TPRG1: variants seen among roughly 807,000 people sequenced by gnomAD.
The protein encoded by TPRG1 is tumor protein p63 regulated 1.
In TPRG1, 29 loss-of-function variants were observed where a neutral mutation model predicts 29.3. The ratio of observed to expected loss-of-function variants is 0.99; its 90% CI spans 0.74 to 1.35. The LOEUF (loss-of-function observed/expected upper bound fraction) is 1.35. TPRG1 is among the 40% of genes most tolerant of loss of function. The probability of loss-of-function intolerance (pLI) is 0.00; values close to 1 mark genes in which losing one functional copy is unlikely to be tolerated. For missense variants in TPRG1, 327 were observed against 335.0 expected (o/e 0.98, Z 0.19); for synonymous variants, 130 against 116.8 (o/e 1.11, Z -0.73).
At chr3:189,016,615 T>G (rs976766720) in intron 3 of TPRG1, among the ~76,000 whole-genome samples, 1 of 152,044 alleles carries the variant, frequency 6.6e-6, no homozygotes, top group South Asian at 2.1e-4. Context: ...AATCCTCATG[T>G]GTTTGGTGAG....
At chr3:189,031,452 A>C (rs1405818566) in intron 4 of TPRG1, among the ~76,000 whole-genome samples, 1 of 152,230 alleles carries the variant, frequency 6.6e-6, no homozygotes, top group African/African-American at 2.4e-5. Flanking sequence ...AGCCTATTTT[A>C]CTTAGATATT....
chr3:189,218,984 G>C lies in TPRG1; in HGVS notation c.302+3601G>C, dbSNP rs1280714206. On this transcript the variant is annotated intron_variant, in intron 3 of 5. Transcript: ENST00000345063. ...CTTAGATTCTATCCCATACGTGATG[G>C]GGAGGCACTGAAGGGTTGAGAAAGT... Among the ~76,000 whole-genome samples the C allele has an allele frequency of 2.6e-5, 4 of 152,270 alleles. No homozygotes were observed. The East Asian group carries it at 7.7e-4, about 29-fold the overall frequency.
intron 3 of TPRG1, among the ~76,000 whole-genome samples, chr3:189,236,048 C>T (rs1229180762): frequency 6.6e-6 from 1 of 152,140 alleles, no homozygotes. Flanking sequence ...TAATGTTTCT[C>T]CATGAGTTCT....
intron 4 of TPRG1, among the ~76,000 whole-genome samples, chr3:189,301,084 T>C (rs1577007627): frequency 6.6e-6 from 1 of 151,654 alleles, no homozygotes; most frequent in Admixed American, 6.6e-5. Context: ...GATCATGAGG[T>C]TGGGAGATCG....
At chr3:189,206,012 T>TTTCTTTCCTTCCTTCCTTCCTTCCTTCC (rs1734269765) in intron 1 of TPRG1, among the ~76,000 whole-genome samples, 1 of 125,646 alleles carries the variant, frequency 8.0e-6, no homozygotes, top group East Asian at 2.3e-4. Flanking sequence ...TGCAGGTACA[T>TTTCTTTCCTTCCTTCCTTCCTTCCTTCC]TTCCTTCCTT....
chr3:189,194,928 T>G (rs1216345872), intron 1 of TPRG1, among the ~76,000 whole-genome samples: 1 of 152,092 alleles, frequency 6.6e-6, no homozygotes, highest in African/African-American at 2.4e-5. Context: ...TCTCAGCAGC[T>G]AAGACACCAC....
At chr3:189,239,814 G>C (rs144373514) in intron 4 of TPRG1, among the ~76,000 whole-genome samples, 75 of 152,308 alleles carry the variant, frequency 4.9e-4, no homozygotes, top group South Asian at 8.3e-4. Flanking sequence ...TGTGTCAACT[G>C]TTTCACAGAT....
intron 4 of TPRG1, among the ~76,000 whole-genome samples, chr3:189,088,408 C>T (rs987848416): frequency 5.3e-5 from 8 of 152,136 alleles, no homozygotes; most frequent in African/African-American, 1.2e-4. Context: ...GGGGCTGAGA[C>T]GATGGGGTTT....
intron 4 of TPRG1, among the ~76,000 whole-genome samples, chr3:189,283,349 C>T (rs1485294812): frequency 6.6e-6 from 1 of 152,152 alleles, no homozygotes; most frequent in Admixed American, 6.5e-5. Context: ...CTGGAAATGC[C>T]TCCTATGTGA....
At chr3:189,094,933 G>T (rs192106173) in intron 4 of TPRG1, among the ~76,000 whole-genome samples, 3 of 152,130 alleles carry the variant, frequency 2.0e-5, no homozygotes, top group Non-Finnish European at 4.4e-5. Flanking sequence ...ATGCACAACC[G>T]TAGAAAATGA....
intron 4 of TPRG1, among the ~76,000 whole-genome samples, chr3:189,043,415 G>T (rs1714758909): frequency 6.6e-6 from 1 of 152,112 alleles, no homozygotes; most frequent in African/African-American, 2.4e-5. Flanking sequence ...TTCTTTCTTA[G>T]CCCTCAGTTT....
intron 4 of TPRG1, among the ~76,000 whole-genome samples, chr3:189,082,611 A>G (rs191396734): frequency 6.6e-6 from 1 of 152,270 alleles, no homozygotes; most frequent in East Asian, 1.9e-4. Flanking sequence ...CACTTGAGCA[A>G]CCGAGACAGG....
chr3:189,072,948 A>G (rs961407614), intron 4 of TPRG1, among the ~76,000 whole-genome samples: 1 of 152,122 alleles, frequency 6.6e-6, no homozygotes, highest in Admixed American at 6.5e-5. Flanking sequence ...GTGTATTGTT[A>G]TATGCTTCCC....
At chr3:189,081,676 T>C (rs1717603812) in intron 4 of TPRG1, among the ~76,000 whole-genome samples, 1 of 152,224 alleles carries the variant, frequency 6.6e-6, no homozygotes, top group Non-Finnish European at 1.5e-5. Flanking sequence ...TTCCTTATAA[T>C]GTAATGATGT....
At chr3:189,271,164 C>T (rs1715059633) in intron 4 of TPRG1, among the ~76,000 whole-genome samples, 1 of 152,126 alleles carries the variant, frequency 6.6e-6, no homozygotes, top group African/African-American at 2.4e-5. Flanking sequence ...TTTCTTTATT[C>T]CTAGGTGAGG....
chr3:189,012,472 C>G (rs922414686), intron 3 of TPRG1, among the ~76,000 whole-genome samples: 2 of 152,076 alleles, frequency 1.3e-5, no homozygotes, highest in Admixed American at 6.6e-5. Context: ...AGGGATGAAG[C>G]CTACTTGATA....
chr3:189,078,658 A>C (rs181654073), intron 4 of TPRG1, among the ~76,000 whole-genome samples: 7 of 152,260 alleles, frequency 4.6e-5, no homozygotes, highest in Admixed American at 4.6e-4. Flanking sequence ...AAGAAAAATA[A>C]TCTTTTGATA....
At chr3:189,033,117 A>G (rs1714030009) in intron 4 of TPRG1, among the ~76,000 whole-genome samples, 1 of 152,130 alleles carries the variant, frequency 6.6e-6, no homozygotes, top group African/African-American at 2.4e-5. Flanking sequence ...ATCATTTCTC[A>G]CACATTTTGG....
At position 189,007,002 on chromosome 3, in the gene TPRG1, C is replaced by T. The variant is rs535236449; in HGVS notation, c.-660+2242C>T. On this transcript the variant is annotated intron_variant, in intron 3 of 10. Coordinates refer to the TPRG1 transcript ENST00000433971. ...TAGGCATGGGCAAGGACTTCATGTG[C>T]AAAACACCAAAAGCAATGGCAACAA... 1.8e-3 allele frequency among the ~76,000 whole-genome samples: 276 copies of T among 152,004 alleles called. 2 individuals carry two copies. In the Middle Eastern group the frequency reaches 0.02, roughly 11 times the overall value.
Sources: gnomAD v4.1 joint callset for allele counts (sites outside exome capture counted in the v4.1 genomes callset) on GRCh38, gnomAD v4.1.1 for gene constraint, MANE v1.5 for transcripts, NCBI Gene and HGNC (gene_info 2026-07-23, HGNC 2026-07-21) for gene names.